Variants in ACAP1 observed in about 807,000 individuals in gnomAD.
ACAP1 encodes the protein arf-GAP with coiled-coil, ANK repeat and PH domain-containing protein 1.
In ACAP1, 45 loss-of-function variants were observed where a neutral mutation model predicts 98.8. The ratio of observed to expected loss-of-function variants is 0.46; its 90% CI spans 0.36 to 0.58. The LOEUF (loss-of-function observed/expected upper bound fraction) is 0.58, where lower values mean the gene tolerates loss of function less well. Ranked by LOEUF, ACAP1 falls within the 20% of genes least tolerant of loss-of-function variation. The pLI, the probability that ACAP1 is intolerant of heterozygous loss-of-function variation, is 0.00. For missense variants in ACAP1, 735 were observed against 971.4 expected, an observed-to-expected ratio of 0.76 and a Z score of 3.24; for synonymous variants, 362 against 375.3, an observed-to-expected ratio of 0.96 and a Z score of 0.41.
chr17:7,343,997 G>C lies in ACAP1; in HGVS notation c.669+41G>C, dbSNP rs766241430. The C allele has an allele frequency of 5.7e-6, 9 of 1,574,902 alleles. No individual in the cohort carries two copies. In the Admixed American group the frequency reaches 7.5e-5, roughly 13 times the overall value. Reference sequence around the variant, plus strand: ...ACAGCAGGTGGTAGAGGGAGGTTAGGGACTCCTAACTGGGGGGCCTTGGAC... The same window carrying C: ...ACAGCAGGTGGTAGAGGGAGGTTAGCGACTCCTAACTGGGGGGCCTTGGAC... On this transcript the variant is annotated intron_variant, in intron 8 of 21. Coordinates refer to ENST00000158762, the MANE Select transcript of ACAP1 (RefSeq NM_014716.4). This position sits in a 1 kb window ranked among gnomAD's most constrained non-coding sequence, Gnocchi z 4.9.
rs1477055950 is a variant in ACAP1 at position 7,350,163 on chromosome 17, G to A, written c.1998G>A (p.Leu666=). 5.0e-6 allele frequency: 8 copies of A among 1,614,198 alleles called. No homozygotes were observed. Among genetic ancestry groups the A allele is most frequent in the Non-Finnish European group, 6.8e-6 (8 of 1,180,026 alleles). Reference sequence around the variant, plus strand: ...TGTTCCTGAAACGGGGAGCTGATCTGGGGGCTCGAGACTCTGAAGGCAGGG... The same window carrying A: ...TGTTCCTGAAACGGGGAGCTGATCTAGGGGCTCGAGACTCTGAAGGCAGGG... The part of the protein sequence containing the change: ...ACLFLKRGAD[L]GARDSEGRDP... The change falls in exon 20 of 22, where the codon CTG becomes CTA. Residue 666 remains leucine, a synonymous_variant. Transcript: ENST00000158762. The surrounding 1 kb of genome is among the most constrained non-coding windows in gnomAD (Gnocchi z 4.6).
chr17:7,351,085 A>G, intron 21 of ACAP1, 86 bp downstream of exon 21: 1 of 1,353,200 alleles, frequency 7.4e-7, no homozygotes, highest in Non-Finnish European at 1.1e-6. Context: ...CCTAGTGCCC[A>G]GCTGCATTCA....
chr17:7,346,323 G>A, intron 11 of ACAP1, 28 bp downstream of exon 11: 1 of 1,614,052 alleles, frequency 6.2e-7, no homozygotes, highest in Non-Finnish European at 8.5e-7. Flanking sequence ...CTGGATGCCT[G>A]GGCCCCAGGG....
In ACAP1 at chr17:7,350,813, T is replaced by G. The variant is rs186939605; in HGVS notation, c.2073-137T>G. The G allele has an allele frequency of 6.8e-4, 520 of 760,172 alleles. 1 individual carries two copies. The African/African-American group carries it at 8.3e-3, about 12-fold the overall frequency. The allele number at this position is 760,172 out of a possible 1,614,324, so 47.1% of individuals were successfully genotyped here. On this transcript the variant is annotated intron_variant, in intron 20 of 21. Coordinates refer to ENST00000158762, the MANE Select transcript of ACAP1 (RefSeq NM_014716.4). This position sits in a 1 kb window ranked among gnomAD's most constrained non-coding sequence, Gnocchi z 4.6. ...TTTTAGTAGAGACGGGGTTTCACCA[T>G]GTTGGCCAGGACGGTCTCGATCTCC...
rs199709270 is a variant in ACAP1 at position 7,337,336 on chromosome 17, C to T, written c.78C>T (p.Ala26=). The T allele has an allele frequency of 1.7e-5, 28 of 1,614,094 alleles. No homozygotes were observed. Among genetic ancestry groups the T allele is most frequent in the African/African-American group, 6.7e-5 (5 of 75,024 alleles). Residue 26 remains alanine (A), a synonymous_variant, in exon 2 of 22, where the codon GCC becomes GCT. Coordinates refer to ENST00000158762, the MANE Select transcript of ACAP1 (RefSeq NM_014716.4). The part of the protein sequence containing the change: ...RFRASIELVE[A]EVSELETRLE... ...GAGCCTCTATTGAGCTGGTGGAAGCCGAAGTGTCAGAATTGGAGACCCGTC... is the reference window on the plus strand; with the variant it reads ...GAGCCTCTATTGAGCTGGTGGAAGCTGAAGTGTCAGAATTGGAGACCCGTC...
chr17:7,341,605 C>T (rs2073279324), intron 2 of ACAP1, among the ~76,000 whole-genome samples: 1 of 152,170 alleles, frequency 6.6e-6, no homozygotes, highest in Non-Finnish European at 1.5e-5. Flanking sequence ...CTCCACGGAG[C>T]TCTGGATCTA....
chr17:7,350,255 G>A lies in ACAP1; in HGVS notation c.2072+18G>A, dbSNP rs2143018572. ...GTCACCCTGTAAGAATGCCTGAAGGGGCGGGGCTGGCGCTGGGACTCCCCC... is the reference window on the plus strand; with the variant it reads ...GTCACCCTGTAAGAATGCCTGAAGGAGCGGGGCTGGCGCTGGGACTCCCCC... On this transcript the variant is annotated intron_variant, in intron 20 of 21. Transcript: ENST00000158762. The surrounding 1 kb of genome is among the most constrained non-coding windows in gnomAD (Gnocchi z 4.6). 6.2e-7 allele frequency: 1 copy of A among 1,606,594 alleles called. No homozygotes were observed. The highest frequency in any genetic ancestry group is 2.2e-5 in the East Asian group (1 of 44,812).
At position 7,350,179 on chromosome 17, in the gene ACAP1, G is replaced by A. The variant is rs2143018530; in HGVS notation, c.2014G>A (p.Glu672Lys). 6.2e-7 allele frequency: 1 copy of A among 1,614,210 alleles called. No individual in the cohort carries two copies. Among genetic ancestry groups the A allele is most frequent in the Non-Finnish European group, 8.5e-7 (1 of 1,180,028 alleles). Reference protein sequence around the residue: ...RGADLGARDSEGRDPLTIAME... With the variant: ...RGADLGARDSKGRDPLTIAME... Reference sequence around the variant, plus strand: ...AGCTGATCTGGGGGCTCGAGACTCTGAAGGCAGGGACCCTCTGACCATCGC... The same window carrying A: ...AGCTGATCTGGGGGCTCGAGACTCTAAAGGCAGGGACCCTCTGACCATCGC... Residue 672 changes from glutamate (E) to lysine (K), a missense_variant, in exon 20 of 22, where the codon GAA becomes AAA. Glu to Lys is a moderately conservative substitution (Grantham distance 56). Coordinates refer to ENST00000158762, the MANE Select transcript of ACAP1 (RefSeq NM_014716.4). This position sits in a 1 kb window ranked among gnomAD's most constrained non-coding sequence, Gnocchi z 4.6.
intron 17 of ACAP1, 182 bp from the exon 18 acceptor site, chr17:7,348,813 T>G (rs2073373932): frequency 1.6e-6 from 1 of 616,382 alleles, no homozygotes; most frequent in African/African-American, 1.8e-5. Flanking sequence ...CCCTAGGGAC[T>G]CGTACACATG....
In ACAP1 at chr17:7,336,588, A is replaced by G; in HGVS notation, c.-147A>G. 1 of 755,216 alleles carries G rather than the reference A, an allele frequency of 1.3e-6. No individual in the cohort carries two copies. Among genetic ancestry groups the G allele is most frequent in the East Asian group, 2.6e-5 (1 of 38,096 alleles). 46.8% of individuals were successfully genotyped at this position (755,216 alleles called of 1,614,324 possible). A position where few individuals can be genotyped will look rare whatever the true frequency, so the allele number is the denominator to read the frequency against. On this transcript the variant is annotated 5_prime_UTR_variant, in exon 1 of 22. Transcript: ENST00000158762. ...CTAGGACACCCCTTTCCCCTTGGGG[A>G]AAGAATTGTGCCCCCAGGCCCTTCC...
At chr17:7,348,951 A>T in intron 17 of ACAP1, 44 bp from the exon 18 acceptor site, 1 of 1,581,846 alleles carries the variant, frequency 6.3e-7, no homozygotes. Context: ...TTCTTCCCAG[A>T]CTCGGAGCTG....
At position 7,351,001 on chromosome 17, in the gene ACAP1, T is replaced by A. The variant is rs111887983; in HGVS notation, c.2122+2T>A. On this transcript the variant is annotated splice_donor_variant, in intron 21 of 21. Coordinates refer to ENST00000158762, the MANE Select transcript of ACAP1 (RefSeq NM_014716.4). LOFTEE classifies it high-confidence loss of function. The stretch of plus-strand genomic sequence containing the variant: ...CTGAAGCGGCCCAGGGGCAGGCAGG[T>A]AAAGAATACACCCACCCCACCCCCC... 1 of 1,613,880 alleles carries A rather than the reference T, an allele frequency of 6.2e-7. No homozygotes were observed.
intron 16 of ACAP1, 31 bp downstream of exon 16, chr17:7,348,252 T>C (rs2073366549): frequency 6.2e-7 from 1 of 1,611,494 alleles, no homozygotes. Context: ...CCCAGGGGAA[T>C]GGGGGACCCC....
intron 21 of ACAP1, 100 bp from the exon 22 acceptor site, chr17:7,351,195 C>CG (rs2073406476): frequency 8.5e-7 from 1 of 1,182,174 alleles, no homozygotes; most frequent in Non-Finnish European, 1.2e-6. Flanking sequence ...CGTTCCCACC[C>CG]AGGCTCGGAG....
chr17:7,344,581 C>A lies in ACAP1; in HGVS notation c.787C>A (p.Pro263Thr). The change falls in exon 10 of 22, where the codon CCT becomes ACT. Residue 263 changes from proline to threonine, a missense_variant. Around this residue, in one of 5 missense-constraint regions of ACAP1, gnomAD observed 430 missense variants for 531.8 expected, o/e 0.81. Coordinates refer to ENST00000158762, the MANE Select transcript of ACAP1 (RefSeq NM_014716.4). This position sits in a 1 kb window ranked among gnomAD's most constrained non-coding sequence, Gnocchi z 4.9. Reference sequence around the variant, plus strand: ...GCCAGAACCAAGCTTAAGAGAGGGGCCTGGTGGCCTGGTGATGGAAGGACA... The same window carrying A: ...GCCAGAACCAAGCTTAAGAGAGGGGACTGGTGGCCTGGTGATGGAAGGACA... Reference protein sequence around the residue: ...EEPEPSLREGPGGLVMEGHLF... With the variant: ...EEPEPSLREGTGGLVMEGHLF... 6.4e-7 allele frequency: 1 copy of A among 1,551,358 alleles called. No homozygotes were observed.
At chr17:7,347,506 C>A in intron 14 of ACAP1, 1 of 519,446 alleles carries the variant, frequency 1.9e-6, no homozygotes, top group East Asian at 3.2e-5. Flanking sequence ...AGTGTGGGGT[C>A]AAGGCTGCTG....
Position 7,337,163 on chromosome 17 carries a change from G to A in ACAP1, c.54-149G>A, listed in dbSNP as rs533579041. The A allele has an allele frequency of 4.0e-6, 3 of 752,592 alleles. No homozygotes were observed. In the African/African-American group the frequency reaches 5.2e-5, roughly 13 times the overall value. 46.6% of individuals were successfully genotyped at this position (752,592 alleles called of 1,614,324 possible). On this transcript the variant is annotated intron_variant, in intron 1 of 21. Coordinates refer to ENST00000158762, the MANE Select transcript of ACAP1 (RefSeq NM_014716.4). ...GTGGTAGCTCCCAGACTGCAGAGCG[G>A]GCAGAGCACAAGTAGGTGGGTGGGG...
At position 7,350,278 on chromosome 17, in the gene ACAP1, CCCCACCCCCG is replaced by C. The variant is rs1298532793; in HGVS notation, c.2072+49_2072+58del. The C allele has an allele frequency of 1.3e-6, 2 of 1,552,544 alleles. No individual in the cohort carries two copies. The highest frequency in any genetic ancestry group is 1.8e-6 in the Non-Finnish European group (2 of 1,129,432). ...GGGGCGGGGCTGGCGCTGGGACTCC[CCCCACCCCCG>C]CCCACCCACGTTCGGGCGGGCGGGC... On this transcript the variant is annotated intron_variant, in intron 20 of 21. Transcript: ENST00000158762. This position sits in a 1 kb window ranked among gnomAD's most constrained non-coding sequence, Gnocchi z 4.6.
chr17:7,343,140 G>A lies in ACAP1; in HGVS notation c.345-239G>A. The A allele has an allele frequency of 2.1e-6, 1 of 469,316 alleles. No individual in the cohort carries two copies. Among genetic ancestry groups the A allele is most frequent in the Non-Finnish European group, 3.8e-6 (1 of 266,386 alleles). The allele number at this position is 469,316 out of a possible 1,614,324, so 29.1% of individuals were successfully genotyped here. On this transcript the variant is annotated intron_variant, in intron 5 of 21. Transcript: ENST00000158762. The surrounding 1 kb of genome is among the most constrained non-coding windows in gnomAD (Gnocchi z 4.9). Reference sequence around the variant, plus strand: ...AAAGGGGGAGTGAGATGGGAGAGAAGGGGGCCTTATTTCTCGGAAACCAGC... The same window carrying A: ...AAAGGGGGAGTGAGATGGGAGAGAAAGGGGCCTTATTTCTCGGAAACCAGC...
Sources: allele counts gnomAD v4.1 joint callset (sites outside exome capture counted in the v4.1 genomes callset), GRCh38; gene constraint gnomAD v4.1.1; regional missense constraint gnomAD v4.1.1; non-coding constraint Gnocchi (gnomAD v3.1); transcripts MANE v1.5; gene names NCBI Gene and HGNC (gene_info 2026-07-23, HGNC 2026-07-21).